ADAMTSL1: variants seen among roughly 807,000 people sequenced by gnomAD.
ADAMTSL1 encodes ADAMTS-like protein 1.
Under a neutral mutation model 201.8 loss-of-function variants are expected in ADAMTSL1, and 126 were observed. The ratio of observed to expected loss-of-function variants is 0.62; its 90% CI spans 0.54 to 0.72. ADAMTSL1 has a LOEUF of 0.72. Among genes scored for constraint, ADAMTSL1 ranks in the 30% least tolerant of loss-of-function variants. The probability of loss-of-function intolerance (pLI) is 0.00; values close to 1 mark genes in which losing one functional copy is unlikely to be tolerated. For synonymous variants in ADAMTSL1, 1,121 were observed against 903.4 expected (o/e 1.24, Z -4.32); for missense variants, 2,679 against 2,277.8 (o/e 1.18, Z -3.59).
intron 22 of ADAMTSL1, 63 bp from the exon 23 acceptor site, chr9:18,829,780 T>G: frequency 6.2e-7 from 1 of 1,602,732 alleles, no homozygotes; most frequent in South Asian, 1.1e-5. Flanking sequence ...ACCCACCTCT[T>G]CCTCTTGCCT....
rs56183399 is a variant in ADAMTSL1 at position 18,563,113 on chromosome 9, C to G, written c.238-10917C>G. On this transcript the variant is annotated intron_variant, in intron 3 of 28. Transcript: ENST00000380548. Reference sequence around the variant, plus strand: ...GAGTCATTCTGGTTTTTGGAATTTTCAGCCTTCTTTCACTGGTTTTTCCTC... The same window carrying G: ...GAGTCATTCTGGTTTTTGGAATTTTGAGCCTTCTTTCACTGGTTTTTCCTC... Among the ~76,000 whole-genome samples the G allele has an allele frequency of 5.4e-3, 822 of 152,314 alleles. 11 individuals are homozygous for G. Among genetic ancestry groups the G allele is most frequent in the African/African-American group, 0.019 (792 of 41,580 alleles).
At position 18,547,566 on chromosome 9, in the gene ADAMTSL1, G is replaced by T. The variant is rs147603918; in HGVS notation, c.237+14274G>T. Among the ~76,000 whole-genome samples the T allele has an allele frequency of 4.3e-3, 644 of 148,850 alleles. 3 individuals carry two copies. Among genetic ancestry groups the T allele is most frequent in the African/African-American group, 0.015 (590 of 39,946 alleles). Reference sequence around the variant, plus strand: ...CACAGAAGAAGCAGGACCTAAGCCAGGTAGAAAACTTGATGTCAGGAGTTT... The same window carrying T: ...CACAGAAGAAGCAGGACCTAAGCCATGTAGAAAACTTGATGTCAGGAGTTT... On this transcript the variant is annotated intron_variant, in intron 3 of 28. Transcript: ENST00000380548.
intron 4 of ADAMTSL1, among the ~76,000 whole-genome samples, chr9:18,576,161 G>T (rs967107880): frequency 5.3e-5 from 8 of 152,026 alleles, no homozygotes; most frequent in Non-Finnish European, 1.2e-4. Context: ...GAAAAGCATT[G>T]TAACTTATAC....
At chr9:18,732,866 C>G (rs1044194072) in intron 15 of ADAMTSL1, among the ~76,000 whole-genome samples, 1 of 152,160 alleles carries the variant, frequency 6.6e-6, no homozygotes, top group Non-Finnish European at 1.5e-5. Flanking sequence ...ATTTATTAAG[C>G]ACTTACAATA....
chr9:18,231,105 CT>C (rs1830632056), intron 2 of ADAMTSL1, among the ~76,000 whole-genome samples: 2 of 152,274 alleles, frequency 1.3e-5, no homozygotes, highest in South Asian at 4.1e-4. Flanking sequence ...TTCTTGATGT[CT>C]TTTATTGCAA....
intron 1 of ADAMTSL1, among the ~76,000 whole-genome samples, chr9:18,058,219 C>G (rs1430636333): frequency 6.6e-6 from 1 of 152,184 alleles, no homozygotes; most frequent in African/African-American, 2.4e-5. Flanking sequence ...AATAAGGAAT[C>G]TCAGTCAAGT....
intron 2 of ADAMTSL1, among the ~76,000 whole-genome samples, chr9:18,323,074 A>G (rs1381006099): frequency 6.6e-6 from 1 of 152,188 alleles, no homozygotes; most frequent in African/African-American, 2.4e-5. Flanking sequence ...CTGAGAAAAA[A>G]GCATGCTGCA....
At chr9:18,303,230 G>GTT in intron 2 of ADAMTSL1, among the ~76,000 whole-genome samples, 1 of 152,208 alleles carries the variant, frequency 6.6e-6, no homozygotes, top group African/African-American at 2.4e-5. Flanking sequence ...AGAGACCAAA[G>GTT]ATACATAACT....
intron 1 of ADAMTSL1, among the ~76,000 whole-genome samples, chr9:17,938,458 G>C (rs1827100849): frequency 6.6e-6 from 1 of 152,132 alleles, no homozygotes; most frequent in Non-Finnish European, 1.5e-5. Flanking sequence ...CTCATGCCAA[G>C]GGTGCGATGT....
chr9:18,680,618 T>A, intron 11 of ADAMTSL1, 102 bp downstream of exon 11: 1 of 1,318,466 alleles, frequency 7.6e-7, no homozygotes, highest in Non-Finnish European at 1.1e-6. Flanking sequence ...ACACTCTTCT[T>A]GAGGTGTCTA....
intron 17 of ADAMTSL1, among the ~76,000 whole-genome samples, chr9:18,775,340 A>G (rs569332685): frequency 6.6e-6 from 1 of 152,366 alleles, no homozygotes; most frequent in Admixed American, 6.5e-5. Context: ...AATAATTGTC[A>G]TTTCTATGTA....
intron 1 of ADAMTSL1, among the ~76,000 whole-genome samples, chr9:18,073,755 A>C (rs1360323558): frequency 2.0e-5 from 3 of 152,208 alleles, no homozygotes; most frequent in Non-Finnish European, 4.4e-5. Context: ...ATTAAAAATA[A>C]CAGATTCCAA....
At position 18,392,686 on chromosome 9, in the gene ADAMTSL1, A is replaced by T. The variant is rs141164190; in HGVS notation, c.208-112143A>T. 2.9e-3 allele frequency among the ~76,000 whole-genome samples: 446 copies of T among 152,368 alleles called. 2 individuals are homozygous for T. Among genetic ancestry groups the T allele is most frequent in the African/African-American group, 1.0e-2 (414 of 41,588 alleles). On this transcript the variant is annotated intron_variant, in intron 2 of 29. Transcript: ENST00000680146. ...ACATAGTAGGATGATGGAATCAACCAATCCTGTAGCTTGTAGAATTATGCA... is the reference window on the plus strand; with the variant it reads ...ACATAGTAGGATGATGGAATCAACCTATCCTGTAGCTTGTAGAATTATGCA...
At chr9:18,108,602 G>T (rs1390571730) in intron 1 of ADAMTSL1, among the ~76,000 whole-genome samples, 1 of 151,952 alleles carries the variant, frequency 6.6e-6, no homozygotes, top group Non-Finnish European at 1.5e-5. Flanking sequence ...AGAGGCCTTG[G>T]ACTTCTAAAT....
At chr9:18,046,559 T>G (rs1821667267) in intron 1 of ADAMTSL1, among the ~76,000 whole-genome samples, 1 of 152,148 alleles carries the variant, frequency 6.6e-6, no homozygotes, top group Non-Finnish European at 1.5e-5. Flanking sequence ...TGACCATGTG[T>G]CCAGCTAAAA....
chr9:18,432,925 C>T (rs1331543901), intron 2 of ADAMTSL1, among the ~76,000 whole-genome samples: 1 of 152,142 alleles, frequency 6.6e-6, no homozygotes, highest in Admixed American at 6.6e-5. Context: ...GCTTTTGAAA[C>T]TTTGACTACA....
intron 2 of ADAMTSL1, among the ~76,000 whole-genome samples, chr9:18,421,843 A>G (rs1287033144): frequency 6.6e-6 from 1 of 152,220 alleles, no homozygotes; most frequent in Non-Finnish European, 1.5e-5. Flanking sequence ...ATGCAATACC[A>G]TATTTACCAA....
At chr9:18,302,542 C>A (rs1037682926) in intron 2 of ADAMTSL1, among the ~76,000 whole-genome samples, 1 of 152,106 alleles carries the variant, frequency 6.6e-6, no homozygotes, top group Non-Finnish European at 1.5e-5. Context: ...TATTTGAAGG[C>A]CTAAACTCAA....
At chr9:18,204,732 C>T (rs1296382234) in intron 2 of ADAMTSL1, among the ~76,000 whole-genome samples, 1 of 152,026 alleles carries the variant, frequency 6.6e-6, no homozygotes, top group African/African-American at 2.4e-5. Flanking sequence ...CAGAAATTTA[C>T]AAGGGAGGGG....
Sources: gnomAD v4.1 joint callset for allele counts (sites outside exome capture counted in the v4.1 genomes callset) on GRCh38, gnomAD v4.1.1 for gene constraint, MANE v1.5 for transcripts, NCBI Gene and HGNC (gene_info 2026-07-23, HGNC 2026-07-21) for gene names.